CDC14B: variants seen among roughly 807,000 people sequenced by gnomAD.
CDC14B encodes dual specificity protein phosphatase CDC14B.
A neutral mutation model predicts 64.2 loss-of-function variants in CDC14B; 22 were observed. The ratio of observed to expected loss-of-function variants is 0.34; its 90% confidence interval spans 0.24 to 0.49. The LOEUF (loss-of-function observed/expected upper bound fraction) is 0.49, where lower values mean the gene tolerates loss of function less well. CDC14B is among the 20% of genes least tolerant of loss of function. CDC14B has a pLI of 0.99. For missense variants in CDC14B, 498 were observed against 629.9 expected (o/e 0.79, Z 2.24); for synonymous variants, 191 against 215.8 (o/e 0.89, Z 1.01).
intron 3 of CDC14B, among the ~76,000 whole-genome samples, chr9:96,563,420 A>G (rs1254747003): frequency 1.3e-5 from 2 of 152,194 alleles, no homozygotes; most frequent in Admixed American, 1.3e-4. Flanking sequence ...TAGGAGGCTG[A>G]GGCGGATGGA....
intron 1 of CDC14B, among the ~76,000 whole-genome samples, chr9:96,568,831 C>T (rs977879952): frequency 2.0e-5 from 3 of 151,762 alleles, no homozygotes; most frequent in African/African-American, 4.8e-5. Context: ...ACAGGAGAAT[C>T]GTTTGAACCC....
chr9:96,565,562 A>G, intron 1 of CDC14B, 79 bp from the exon 2 acceptor site: 1 of 928,618 alleles, frequency 1.1e-6, no homozygotes. Context: ...CTCTTTTCAG[A>G]TGAAGTCAAT....
intron 1 of CDC14B, among the ~76,000 whole-genome samples, chr9:96,605,874 GT>G (rs1001318909): frequency 6.6e-6 from 1 of 151,298 alleles, no homozygotes; most frequent in African/African-American, 2.4e-5. Flanking sequence ...AAAAAAAATT[GT>G]TTTTTTCAAA....
At chr9:96,517,942 G>T (rs896050749) in intron 12 of CDC14B, among the ~76,000 whole-genome samples, 15 of 151,896 alleles carry the variant, frequency 9.9e-5, no homozygotes, top group African/African-American at 2.9e-4. Flanking sequence ...AAAGCACTGG[G>T]ATTACAGGCA....
rs749106691 is a variant in CDC14B at position 96,494,857 on chromosome 9, C to T, written c.*80+1350G>A. ...CCCTCCCCTCCCCTTTCTTTTTTGT[C>T]GGAGTCTCGCTCTGTCGCCCAGGCT... On this transcript the variant is annotated intron_variant and NMD_transcript_variant, in intron 13 of 13. Transcript: ENST00000474602. 2.3e-3 allele frequency among the ~76,000 whole-genome samples: 318 copies of T among 135,362 alleles called. 5 individuals are homozygous for T. Among genetic ancestry groups the T allele is most frequent in the Middle Eastern group, 7.1e-3 (2 of 280 alleles). 88.8% of individuals were successfully genotyped at this position (135,362 alleles called of 152,430 possible).
At chr9:96,584,830 C>A (rs1766146252) in intron 1 of CDC14B, among the ~76,000 whole-genome samples, 1 of 151,904 alleles carries the variant, frequency 6.6e-6, no homozygotes, top group Admixed American at 6.6e-5. Flanking sequence ...ATTTTTTTGT[C>A]TTTTTAGTAG....
intron 4 of CDC14B, among the ~76,000 whole-genome samples, chr9:96,554,853 TA>T (rs1272513088): frequency 6.6e-6 from 1 of 152,220 alleles, no homozygotes; most frequent in African/African-American, 2.4e-5. Context: ...AATTTGTTAC[TA>T]AAGAAGAATC....
chr9:96,514,604 A>G, intron 12 of CDC14B: 1 of 985,468 alleles, frequency 1.0e-6, no homozygotes, highest in Non-Finnish European at 1.2e-6. Flanking sequence ...GTTGGTTGCA[A>G]TGGAATTTTT....
chr9:96,556,207 A>C (rs1842485595), intron 4 of CDC14B, among the ~76,000 whole-genome samples: 1 of 152,232 alleles, frequency 6.6e-6, no homozygotes, highest in South Asian at 2.1e-4. Flanking sequence ...AATTCCAGCA[A>C]CAAATGTGGC....
At chr9:96,617,838 T>G (rs7853976) in intron 1 of CDC14B, among the ~76,000 whole-genome samples, 6,858 of 152,224 alleles carry the variant, frequency 0.045, 535 homozygotes, top group African/African-American at 0.16. Context: ...ACACAGATCC[T>G]TTCAAGAGGT....
chr9:96,509,308 A>G (rs1834594023), intron 13 of CDC14B, among the ~76,000 whole-genome samples: 1 of 152,168 alleles, frequency 6.6e-6, no homozygotes. Flanking sequence ...TCTCATTTCT[A>G]CCATCACATT....
chr9:96,536,869 T>C (rs1839343869), intron 7 of CDC14B, among the ~76,000 whole-genome samples: 1 of 152,130 alleles, frequency 6.6e-6, no homozygotes, highest in Non-Finnish European at 1.5e-5. Flanking sequence ...ATTCCCTATT[T>C]GGAGGATAAA....
At chr9:96,574,886 C>CT (rs1177871313) in intron 1 of CDC14B, among the ~76,000 whole-genome samples, 3 of 152,100 alleles carry the variant, frequency 2.0e-5, no homozygotes. Flanking sequence ...CCAATAAATA[C>CT]GTGAGCACAG....
rs574259021 is a variant in CDC14B, at chr9:96,508,400, A to G, written c.1460+1273T>C. Reference sequence around the variant, plus strand: ...ATGTATGACTCCCAATTCATTTGGCATAATGTAACAATCTTGAGCCCATTT... The same window carrying G: ...ATGTATGACTCCCAATTCATTTGGCGTAATGTAACAATCTTGAGCCCATTT... On this transcript the variant is annotated intron_variant, in intron 13 of 13. Transcript: ENST00000375241. Among the ~76,000 whole-genome samples the G allele has an allele frequency of 4.6e-5, 7 of 152,314 alleles. 1 individual carries two copies. Among genetic ancestry groups the G allele is most frequent in the African/African-American group, 1.7e-4 (7 of 41,564 alleles).
chr9:96,493,254 T>G (rs1340186968), intron 13 of CDC14B: 1 of 152,472 alleles, frequency 6.6e-6, no homozygotes, highest in Non-Finnish European at 1.5e-5. Flanking sequence ...CGGCCTCCGC[T>G]GTAGACACAG....
At chr9:96,556,993 G>A (rs1410408544) in intron 4 of CDC14B, among the ~76,000 whole-genome samples, 2 of 152,336 alleles carry the variant, frequency 1.3e-5, no homozygotes, top group African/African-American at 2.4e-5. Context: ...CCGGAACAAG[G>A]ATGGGACCCA....
chr9:96,606,192 G>A (rs1444197290), intron 1 of CDC14B, among the ~76,000 whole-genome samples: 2 of 151,482 alleles, frequency 1.3e-5, no homozygotes, highest in African/African-American at 4.8e-5. Context: ...AAATAAGCGG[G>A]TGTGGTGATG....
intron 1 of CDC14B, among the ~76,000 whole-genome samples, chr9:96,590,242 T>C (rs574877782): frequency 4.7e-4 from 71 of 152,332 alleles, no homozygotes; most frequent in African/African-American, 1.7e-3. Context: ...TCAAGCAGTA[T>C]TTGTCTTTTC....
intron 1 of CDC14B, among the ~76,000 whole-genome samples, chr9:96,598,043 C>A (rs953973989): frequency 2.0e-5 from 3 of 152,022 alleles, no homozygotes; most frequent in Non-Finnish European, 4.4e-5. Context: ...GTGGCAAACA[C>A]AAAGCACTAA....
Sources: allele counts gnomAD v4.1 joint callset (sites outside exome capture counted in the v4.1 genomes callset), GRCh38; gene constraint gnomAD v4.1.1; transcripts MANE v1.5; gene names NCBI Gene and HGNC (gene_info 2026-07-23, HGNC 2026-07-21).